The following SHMT1 variants were observed in gnomAD, a reference collection of about 807,000 sequenced individuals.
SHMT1 encodes serine hydroxymethyltransferase, cytosolic.
Under a neutral mutation model 49.0 loss-of-function variants are expected in SHMT1, and 45 were observed. That is an observed-to-expected ratio of 0.92 (90% CI 0.72 to 1.18). The LOEUF is 1.18. Among genes scored for constraint, SHMT1 ranks in the 50% most tolerant of loss-of-function variants. The pLI is 0.00. For missense variants in SHMT1, 541 were observed against 612.4 expected, an observed-to-expected ratio of 0.88 and a Z score of 1.23; for synonymous variants, 232 against 246.6, an observed-to-expected ratio of 0.94 and a Z score of 0.55.
At position 18,336,478 on chromosome 17, in the gene SHMT1, C is replaced by T. The variant is rs571343055; in HGVS notation, c.815-803G>A. 3.3e-5 allele frequency among the ~76,000 whole-genome samples: 5 copies of T among 151,978 alleles called. No individual in the cohort carries two copies. The South Asian group carries it at 8.3e-4, about 25-fold the overall frequency. On this transcript the variant is annotated intron_variant, in intron 7 of 11. Coordinates refer to ENST00000316694, the MANE Select transcript of SHMT1 (RefSeq NM_004169.5). ...GTCAGGAGTTCAAGACCAGCTGGGTCAACATAGTGAAACCCTGTCTCTACT... is the reference window on the plus strand; with the variant it reads ...GTCAGGAGTTCAAGACCAGCTGGGTTAACATAGTGAAACCCTGTCTCTACT...
At chr17:18,339,190 G>A (rs1156267330) in intron 7 of SHMT1, among the ~76,000 whole-genome samples, 1 of 152,072 alleles carries the variant, frequency 6.6e-6, no homozygotes, top group Non-Finnish European at 1.5e-5. Flanking sequence ...TCCCAGGTAT[G>A]GGAATTCGAA....
chr17:18,359,250 A>G (rs1986533939), intron 1 of SHMT1, among the ~76,000 whole-genome samples: 1 of 149,990 alleles, frequency 6.7e-6, no homozygotes, highest in Non-Finnish European at 1.5e-5. Context: ...GGGGAAAAAA[A>G]AAAAAGGGCC....
chr17:18,353,883 A>C (rs1985965622), intron 2 of SHMT1, 66 bp from the exon 3 acceptor site: 1 of 1,367,498 alleles, frequency 7.3e-7, no homozygotes, highest in African/African-American at 1.4e-5. Context: ...TCTGATCCAA[A>C]TTACAACCTC....
Position 18,340,831 on chromosome 17 carries a change from G to C in SHMT1, c.520-18C>G, listed in dbSNP as rs764805351. 28 of 1,599,730 alleles carry C rather than the reference G, an allele frequency of 1.8e-5. No individual in the cohort carries two copies. In the Admixed American group the frequency reaches 4.7e-4, roughly 27 times the overall value. ...GGGTTCACCTGTGGAATGTCAGGGAGGCAGGTTCAGGCTGCTTCCTCCAAC... is the reference window on the plus strand; with the variant it reads ...GGGTTCACCTGTGGAATGTCAGGGACGCAGGTTCAGGCTGCTTCCTCCAAC... On this transcript the variant is annotated intron_variant, in intron 5 of 11. Transcript: ENST00000316694. This position sits in a 1 kb window ranked among gnomAD's most constrained non-coding sequence, Gnocchi z 4.5.
intron 4 of SHMT1, 64 bp downstream of exon 4, chr17:18,348,261 G>A: frequency 4.7e-6 from 5 of 1,058,236 alleles, no homozygotes; most frequent in South Asian, 3.9e-5. Flanking sequence ...TCTTCTTGGT[G>A]CATGTCGGCC....
intron 5 of SHMT1, among the ~76,000 whole-genome samples, chr17:18,346,806 C>T (rs574419822): frequency 2.6e-5 from 4 of 152,284 alleles, no homozygotes; most frequent in South Asian, 2.1e-4. Context: ...TTTTATAATA[C>T]GGTGTTGACT....
chr17:18,350,439 A>C (rs1985565662), intron 3 of SHMT1, among the ~76,000 whole-genome samples: 1 of 151,928 alleles, frequency 6.6e-6, no homozygotes, highest in African/African-American at 2.4e-5. Flanking sequence ...TGAGGCCAGG[A>C]GTTTGAAACC....
chr17:18,329,199 C>T, intron 11 of SHMT1, 79 bp downstream of exon 11: 2 of 1,079,594 alleles, frequency 1.9e-6, no homozygotes, highest in Non-Finnish European at 1.4e-6. Flanking sequence ...CTTTCAGTGG[C>T]AGGGTCTCAG....
chr17:18,330,925 C>T, intron 9 of SHMT1: 1 of 502,134 alleles, frequency 2.0e-6, no homozygotes, highest in South Asian at 1.9e-5. Context: ...GGGGAAGGGA[C>T]AGCTTCCTCA....
At chr17:18,362,620 G>A (rs1206359685) in intron 1 of SHMT1, among the ~76,000 whole-genome samples, 1 of 152,066 alleles carries the variant, frequency 6.6e-6, no homozygotes, top group Non-Finnish European at 1.5e-5. Flanking sequence ...CACCGCGCCC[G>A]GCCTACAATG....
chr17:18,337,856 A>T (rs1983992535), intron 7 of SHMT1, among the ~76,000 whole-genome samples: 1 of 152,146 alleles, frequency 6.6e-6, no homozygotes, highest in Non-Finnish European at 1.5e-5. Context: ...TTGCAGACGG[A>T]GTCTCGTTCA....
In SHMT1 at chr17:18,339,049, TAAAAAAAAAAAAAAAAA is replaced by T. The variant is rs34704448; in HGVS notation, c.814+977_814+993del. On this transcript the variant is annotated intron_variant, in intron 7 of 11. Coordinates refer to ENST00000316694, the MANE Select transcript of SHMT1 (RefSeq NM_004169.5). ...ACACCCAAGAATGATCAATAAATAC[TAAAAAAAAAAAAAAAAA>T]AAAAAAAAAAAAAGAGTAATGTAGT... Among the ~76,000 whole-genome samples the T allele has an allele frequency of 1.9e-4, 5 of 26,852 alleles. 1 individual carries two copies. Among genetic ancestry groups the T allele is most frequent in the African/African-American group, 7.1e-4 (4 of 5,620 alleles). The allele number at this position is 26,852 out of a possible 152,430, so 17.6% of individuals were successfully genotyped here. A position where few individuals can be genotyped will look rare whatever the true frequency, so the allele number is the denominator to read the frequency against.
chr17:18,328,601 A>C lies in SHMT1; in HGVS notation c.*149T>G. 1 of 771,768 alleles carries C rather than the reference A, an allele frequency of 1.3e-6. No homozygotes were observed. Among genetic ancestry groups the C allele is most frequent in the South Asian group, 1.7e-5 (1 of 57,238 alleles). 47.8% of individuals were successfully genotyped at this position (771,768 alleles called of 1,614,324 possible). On this transcript the variant is annotated 3_prime_UTR_variant, in exon 12 of 12. Transcript: ENST00000316694. ...TAAACAAATTTTGATTTGTGAAGAA[A>C]ACATGAAAAAAGTCCAAAAGAAACC...
rs775910676 is a variant in SHMT1 at position 18,328,724 on chromosome 17, G to C, written c.*26C>G. 1 of 1,551,134 alleles carries C rather than the reference G, an allele frequency of 6.4e-7. No individual in the cohort carries two copies. The highest frequency in any genetic ancestry group is 8.7e-7 in the Non-Finnish European group (1 of 1,148,052). ...GCAGGCAGCTTCCTCTGTGGCGCCA[G>C]GTGGGTCCAGAGTGGGCCCGCTCCT... is the stretch of plus-strand genomic sequence containing the variant. On this transcript the variant is annotated 3_prime_UTR_variant, in exon 12 of 12. Coordinates refer to ENST00000316694, the MANE Select transcript of SHMT1 (RefSeq NM_004169.5).
chr17:18,336,468 C>T (rs138683975), intron 7 of SHMT1, among the ~76,000 whole-genome samples: 2 of 151,992 alleles, frequency 1.3e-5, no homozygotes, highest in African/African-American at 4.8e-5. Context: ...GAGTTCAAGA[C>T]CAGCTGGGTC....
In SHMT1 at chr17:18,337,770, T is replaced by C. The variant is rs531513461; in HGVS notation, c.815-2095A>G. On this transcript the variant is annotated intron_variant, in intron 7 of 11. Transcript: ENST00000316694. ...TATTTTTTTGGTGGAGACGGGGTTT[T>C]GCTGTGTTGGCCGGGCTGGTCTCCA... Among the ~76,000 whole-genome samples the C allele has an allele frequency of 6.3e-3, 954 of 152,348 alleles. 12 individuals are homozygous for C. Among genetic ancestry groups the C allele is most frequent in the African/African-American group, 0.021 (873 of 41,576 alleles).
At position 18,328,241 on chromosome 17, in the gene SHMT1, T is replaced by C. The variant is rs1343195357; in HGVS notation, c.*509A>G. 2 of 175,424 alleles carry C rather than the reference T, an allele frequency of 1.1e-5. No individual in the cohort carries two copies. The highest frequency in any genetic ancestry group is 2.5e-5 in the Non-Finnish European group (2 of 80,510). The allele number at this position is 175,424 out of a possible 1,614,324, so 10.9% of individuals were successfully genotyped here. ...CATACTGGGTGCATCTTGTTTACTC[T>C]TGACTAACATACACTTCTGATTTAC... On this transcript the variant is annotated 3_prime_UTR_variant, in exon 12 of 12. Transcript: ENST00000316694.
At chr17:18,363,164 A>T (rs1986927617) in intron 1 of SHMT1, 1 of 151,962 alleles carries the variant, frequency 6.6e-6, no homozygotes, top group Non-Finnish European at 1.5e-5. Context: ...ATCATACCGA[A>T]TGTGCCTGGA....
At chr17:18,349,279 G>C (rs954422184) in intron 3 of SHMT1, among the ~76,000 whole-genome samples, 5 of 152,050 alleles carry the variant, frequency 3.3e-5, no homozygotes, top group African/African-American at 1.2e-4. Context: ...AATTAGCCGG[G>C]AGTGGTGGCG....
Sources: allele counts gnomAD v4.1 joint callset (sites outside exome capture counted in the v4.1 genomes callset), GRCh38; gene constraint gnomAD v4.1.1; non-coding constraint Gnocchi (gnomAD v3.1); transcripts MANE v1.5; gene names NCBI Gene and HGNC (gene_info 2026-07-23, HGNC 2026-07-21).